Variants in PRLR observed in about 807,000 individuals in gnomAD.
The protein encoded by PRLR is prolactin receptor, also known as hPRL receptor.
A neutral mutation model predicts 40.2 loss-of-function variants in PRLR; 13 were observed. That is an observed-to-expected ratio of 0.32 (90% CI 0.21 to 0.51). The LOEUF is 0.51. Ranked by LOEUF, PRLR falls within the 20% of genes least tolerant of loss-of-function variation. PRLR has a pLI of 0.97. For missense variants in PRLR, 656 were observed against 747.3 expected (o/e 0.88, Z 1.42); for synonymous variants, 269 against 278.7 (o/e 0.97, Z 0.35).
intron 2 of PRLR, among the ~76,000 whole-genome samples, chr5:35,091,377 G>T (rs1186911393): frequency 6.6e-6 from 1 of 152,160 alleles, no homozygotes; most frequent in Non-Finnish European, 1.5e-5. Flanking sequence ...TCTATTATGG[G>T]CAGGCACTGG....
intron 1 of PRLR, among the ~76,000 whole-genome samples, chr5:35,131,211 C>T (rs2962088): frequency 0.16 from 25,063 of 152,140 alleles, 4,245 homozygotes; most frequent in African/African-American, 0.44. Context: ...TATTTTTAAT[C>T]AGTGAAAAAA....
chr5:35,137,715 G>A (rs751685632), intron 1 of PRLR, among the ~76,000 whole-genome samples: 2 of 152,212 alleles, frequency 1.3e-5, no homozygotes, highest in African/African-American at 4.8e-5. Context: ...ACACTGTAGT[G>A]CTTGGGCTCT....
chr5:35,096,656 T>C (rs1464421266), intron 2 of PRLR, among the ~76,000 whole-genome samples: 2 of 151,980 alleles, frequency 1.3e-5, no homozygotes, highest in Non-Finnish European at 2.9e-5. Context: ...AATCTTGTTC[T>C]GACACCCAGG....
chr5:35,142,709 T>C (rs889464839), intron 1 of PRLR, among the ~76,000 whole-genome samples: 2 of 152,234 alleles, frequency 1.3e-5, no homozygotes, highest in African/African-American at 4.8e-5. Flanking sequence ...CTTCTTCCTT[T>C]TGCAAATTAG....
intron 9 of PRLR, among the ~76,000 whole-genome samples, chr5:35,067,192 A>G (rs1251475234): frequency 2.0e-5 from 3 of 152,194 alleles, no homozygotes; most frequent in Non-Finnish European, 4.4e-5. Flanking sequence ...AAAGGTAGAA[A>G]ATAATATTAA....
rs577314488 is a variant in PRLR, at chr5:35,225,707, A to C, written c.-106+4561T>G. ...TTGTTTTTGTTTTTGTTTGAGACGG[A>C]GTCTCACTCTTTCACCCAGGCTGGA... On this transcript the variant is annotated intron_variant, in intron 1 of 9. Transcript: ENST00000618457. 2.0e-5 allele frequency among the ~76,000 whole-genome samples: 3 copies of C among 152,350 alleles called. No homozygotes were observed. In the South Asian group the frequency reaches 6.2e-4, roughly 32 times the overall value.
Position 35,065,029 on chromosome 5 carries a change from C to T in PRLR, c.*60G>A. ...ACTACATTCTTGAGCATTTCACGTA[C>T]TCTGTAGTGTTACCTGAAGAAAAAT... On this transcript the variant is annotated 3_prime_UTR_variant, in exon 10 of 10. Transcript: ENST00000618457. 6.5e-7 allele frequency: 1 copy of T among 1,529,060 alleles called. No homozygotes were observed. The highest frequency in any genetic ancestry group is 1.4e-5 in the African/African-American group (1 of 72,960). The allele number at this position is 1,529,060 out of a possible 1,614,324, so 94.7% of individuals were successfully genotyped here.
chr5:35,222,289 A>T (rs1443496639), intron 1 of PRLR, among the ~76,000 whole-genome samples: 1 of 136,488 alleles, frequency 7.3e-6, no homozygotes, highest in East Asian at 2.0e-4. Context: ...GAGACAGAGC[A>T]AGACTCCATC....
At chr5:35,133,188 T>G (rs540060417) in intron 1 of PRLR, among the ~76,000 whole-genome samples, 55 of 152,288 alleles carry the variant, frequency 3.6e-4, no homozygotes, top group Middle Eastern at 3.4e-3. Context: ...GATCTCCTGG[T>G]TCTCAGGCCT....
In PRLR at chr5:35,065,436, C is replaced by T. The variant is rs1264483297; in HGVS notation, c.1522G>A (p.Asp508Asn). The T allele has an allele frequency of 2.5e-6, 4 of 1,613,974 alleles. No individual in the cohort carries two copies. Among genetic ancestry groups the T allele is most frequent in the Non-Finnish European group, 3.4e-6 (4 of 1,180,028 alleles). Reference protein sequence around the residue: ...KTPFGSAKPLDYVEIHKVNKD... With the variant: ...KTPFGSAKPLNYVEIHKVNKD... ...TTGACCTTGTGAATCTCCACATAATCCAAGGGTTTAGCGGAGCCAAAGGGG... is the reference window on the plus strand; with the variant it reads ...TTGACCTTGTGAATCTCCACATAATTCAAGGGTTTAGCGGAGCCAAAGGGG... The change falls in exon 10 of 10, where the codon GAT (aspartate) becomes AAT (asparagine). Residue 508 changes from aspartate to asparagine, a missense_variant. Coordinates refer to ENST00000618457, the MANE Select transcript of PRLR (RefSeq NM_000949.7).
chr5:35,156,493 C>T (rs556758114), intron 1 of PRLR, among the ~76,000 whole-genome samples: 49 of 152,294 alleles, frequency 3.2e-4, no homozygotes, highest in Non-Finnish European at 5.9e-4. Flanking sequence ...ATACAATGAC[C>T]TACAAGACTC....
chr5:35,113,011 T>A (rs1321940180), intron 2 of PRLR, among the ~76,000 whole-genome samples: 5 of 152,148 alleles, frequency 3.3e-5, no homozygotes, highest in Admixed American at 3.3e-4. Context: ...CTCTTTACAA[T>A]GCATTTTGAG....
intron 1 of PRLR, among the ~76,000 whole-genome samples, chr5:35,173,408 T>C (rs1579763113): frequency 6.6e-6 from 1 of 152,336 alleles, no homozygotes; most frequent in East Asian, 1.9e-4. Context: ...CTTGATCTTG[T>C]TCCCTGGGGA....
intron 1 of PRLR, among the ~76,000 whole-genome samples, chr5:35,202,586 G>C (rs1053990845): frequency 2.0e-5 from 3 of 152,098 alleles, no homozygotes; most frequent in Non-Finnish European, 4.4e-5. Flanking sequence ...ACTGTGCTTA[G>C]GGAGACCAGA....
At chr5:35,228,204 T>C (rs1251756439) in intron 1 of PRLR, among the ~76,000 whole-genome samples, 3 of 140,486 alleles carry the variant, frequency 2.1e-5, no homozygotes, top group African/African-American at 5.5e-5. Context: ...GCATGATTCA[T>C]AGTATTTCCA....
intron 1 of PRLR, among the ~76,000 whole-genome samples, chr5:35,136,007 T>G (rs182596852): frequency 4.2e-4 from 64 of 152,222 alleles, no homozygotes; most frequent in African/African-American, 1.4e-3. Flanking sequence ...AAAGCAGCAA[T>G]GTGAGAAGCA....
At chr5:35,190,492 C>G (rs1775570957) in intron 1 of PRLR, among the ~76,000 whole-genome samples, 1 of 152,004 alleles carries the variant, frequency 6.6e-6, no homozygotes, top group African/African-American at 2.4e-5. Context: ...GTAATCCTAG[C>G]TACTCGGAAG....
rs556935924 is a variant in PRLR, at chr5:35,204,078, A to T, written c.-106+26190T>A. On this transcript the variant is annotated intron_variant, in intron 1 of 9. Transcript: ENST00000618457. Reference sequence around the variant, plus strand: ...GTGTGTTTCTTAGAAATATTGTTGTATGGGACAATGTTTTCATGGTACTTA... The same window carrying T: ...GTGTGTTTCTTAGAAATATTGTTGTTTGGGACAATGTTTTCATGGTACTTA... Among the ~76,000 whole-genome samples the T allele has an allele frequency of 5.5e-4, 83 of 152,266 alleles. 2 individuals are homozygous for T. In the South Asian group the frequency reaches 0.016, roughly 30 times the overall value.
At chr5:35,161,996 T>C (rs1774687900) in intron 1 of PRLR, among the ~76,000 whole-genome samples, 1 of 152,224 alleles carries the variant, frequency 6.6e-6, no homozygotes, top group African/African-American at 2.4e-5. Context: ...TTTAAAAAAC[T>C]TGAGCTGCTA....
Sources: gnomAD v4.1 joint callset for allele counts (sites outside exome capture counted in the v4.1 genomes callset) on GRCh38, gnomAD v4.1.1 for gene constraint, MANE v1.5 for transcripts, NCBI Gene and HGNC (gene_info 2026-07-23, HGNC 2026-07-21) for gene names.